MIDEAS: variants seen among roughly 807,000 people sequenced by gnomAD.
MIDEAS encodes mitotic deacetylase-associated SANT domain protein.
In MIDEAS, 26 loss-of-function variants were observed where a neutral mutation model predicts 102.7. That is an observed-to-expected ratio of 0.25 (90% CI 0.19 to 0.35). The LOEUF is 0.35. Among genes scored for constraint, MIDEAS ranks in the 10% least tolerant of loss-of-function variants. The pLI, the probability that MIDEAS is intolerant of heterozygous loss-of-function variation, is 1.00. For missense variants in MIDEAS, 1,231 were observed against 1,435.6 expected (o/e 0.86, Z 2.30); for synonymous variants, 585 against 591.0 (o/e 0.99, Z 0.15).
Position 73,739,311 on chromosome 14 carries a change from C to CCCTGCCGGAAGA in MIDEAS, c.686_697dup (p.Val229_Gln232dup), listed in dbSNP as rs1302719644. On this transcript the variant is annotated inframe_insertion, in exon 2 of 13. Coordinates refer to ENST00000423556, the MANE Select transcript of MIDEAS (RefSeq NM_001367710.1). ...AGCCACCGGGTTTGGGGGCGGTGGG[C>CCCTGCCGGAAGA]CCTGCCGGAAGACCTGCCGGTTCAC... 12 of 1,610,230 alleles carry CCCTGCCGGAAGA rather than the reference C, an allele frequency of 7.5e-6. No homozygotes were observed. The highest frequency in any genetic ancestry group is 5.0e-5 in the Admixed American group (3 of 59,938).
chr14:73,728,688 G>A (rs542938746), intron 4 of MIDEAS: 2 of 152,396 alleles, frequency 1.3e-5, no homozygotes, highest in East Asian at 3.9e-4. Context: ...CTATAGAACA[G>A]ACCATGGTGT....
At chr14:73,781,722 G>A (rs952928438) in intron 1 of MIDEAS, among the ~76,000 whole-genome samples, 1 of 69,976 alleles carries the variant, frequency 1.4e-5, no homozygotes, top group Non-Finnish European at 2.5e-5. Flanking sequence ...CAACAAGAGC[G>A]AAACTCTGTC....
chr14:73,719,581 G>C, intron 11 of MIDEAS, 80 bp from the exon 12 acceptor site: 1 of 1,428,054 alleles, frequency 7.0e-7, no homozygotes, highest in Non-Finnish European at 9.6e-7. Context: ...GGAACCGGGG[G>C]CCTGAAAAGT....
chr14:73,722,981 C>G (rs534636316), intron 9 of MIDEAS, 134 bp from the exon 10 acceptor site: 2 of 998,076 alleles, frequency 2.0e-6, no homozygotes, highest in Non-Finnish European at 3.0e-6. Flanking sequence ...CCAGGCAATA[C>G]AAGCATTTTT....
rs1396449813 is a variant in MIDEAS, at chr14:73,718,811, G to A, written c.*32C>T. The A allele has an allele frequency of 5.1e-6, 7 of 1,379,424 alleles. No homozygotes were observed. The highest frequency in any genetic ancestry group is 4.7e-6 in the Non-Finnish European group (5 of 1,073,982). 85.4% of individuals were successfully genotyped at this position (1,379,424 alleles called of 1,614,324 possible). ...CTGGCGGCGGTGCGGGAAGGGCCGA[G>A]GCCCAGGACTGGGCCAGCCTGGCTC... On this transcript the variant is annotated 3_prime_UTR_variant, in exon 13 of 13. Coordinates refer to ENST00000423556, the MANE Select transcript of MIDEAS (RefSeq NM_001367710.1).
chr14:73,772,543 A>AT (rs1383147286), intron 1 of MIDEAS, among the ~76,000 whole-genome samples: 1 of 152,224 alleles, frequency 6.6e-6, no homozygotes, highest in East Asian at 1.9e-4. Flanking sequence ...ATCATGAATT[A>AT]TACAGCCACA....
In MIDEAS at chr14:73,739,966, G is replaced by A. The variant is rs755437495; in HGVS notation, c.43C>T (p.Arg15Cys). The change falls in exon 2 of 13, where the codon CGT becomes TGT. Residue 15 changes from arginine to cysteine, a missense_variant. This residue lies in a region of MIDEAS where 758 missense variants were observed against 856.0 expected (regional missense o/e 0.89). Transcript: ENST00000423556. ...AQPKAQNKRKRCLFGGQEPAP... is the reference protein window; with the variant it reads ...AQPKAQNKRKCCLFGGQEPAP... ...GGTTCCTGGCCCCCGAAGAGGCAACGCTTCCGCTTGTTCTGAGCCTTGGGC... is the reference window on the plus strand; with the variant it reads ...GGTTCCTGGCCCCCGAAGAGGCAACACTTCCGCTTGTTCTGAGCCTTGGGC... 15 of 1,513,008 alleles carry A rather than the reference G, an allele frequency of 9.9e-6. No individual in the cohort carries two copies. Among genetic ancestry groups the A allele is most frequent in the East Asian group, 2.3e-5 (1 of 43,720 alleles). 93.7% of individuals were successfully genotyped at this position (1,513,008 alleles called of 1,614,324 possible). A position where few individuals can be genotyped will look rare whatever the true frequency, so the allele number is the denominator to read the frequency against.
In MIDEAS at chr14:73,737,187, A is replaced by C. The variant is rs1566590799; in HGVS notation, c.1560T>G (p.Ser520Arg). 2 of 1,614,014 alleles carry C rather than the reference A, an allele frequency of 1.2e-6. No individual in the cohort carries two copies. Among genetic ancestry groups the C allele is most frequent in the African/African-American group, 1.3e-5 (1 of 74,906 alleles). The change falls in exon 3 of 13, where the codon AGT becomes AGG. Residue 520 changes from serine to arginine, a missense_variant. Physicochemically the swap from Ser to Arg is moderately radical, Grantham distance 110. Coordinates refer to ENST00000423556, the MANE Select transcript of MIDEAS (RefSeq NM_001367710.1). ...SLATKRAREDSGMVPLIIPVS... is the reference protein window; with the variant it reads ...SLATKRAREDRGMVPLIIPVS... ...CTGGGATGATGAGGGGTACCATCCC[A>C]CTGTCTTCTCGTGCTCGCTTGGTGG... is the stretch of plus-strand genomic sequence containing the variant.
intron 3 of MIDEAS, among the ~76,000 whole-genome samples, chr14:73,733,988 T>C (rs949748027): frequency 1.4e-5 from 2 of 147,900 alleles, no homozygotes; most frequent in African/African-American, 5.0e-5. Context: ...CCAGGATACA[T>C]GTTTTGTTTT....
chr14:73,723,056 GTAAA>G (rs2053017082), intron 9 of MIDEAS: 4 of 467,012 alleles, frequency 8.6e-6, no homozygotes, highest in African/African-American at 3.9e-5. Flanking sequence ...TTTAAAATAA[GTAAA>G]TAAATAAAAA....
chr14:73,765,846 A>C (rs1462190642), intron 1 of MIDEAS, among the ~76,000 whole-genome samples: 1 of 152,180 alleles, frequency 6.6e-6, no homozygotes, highest in African/African-American at 2.4e-5. Context: ...ACTGGAGTGT[A>C]TACTGTTGGA....
At chr14:73,766,997 A>G (rs1226605475) in intron 1 of MIDEAS, among the ~76,000 whole-genome samples, 1 of 151,734 alleles carries the variant, frequency 6.6e-6, no homozygotes, top group Non-Finnish European at 1.5e-5. Context: ...CTGGGATTAC[A>G]GGCCTCGCCA....
In MIDEAS at chr14:73,739,309, G is replaced by C. The variant is rs200341939; in HGVS notation, c.700C>G (p.Pro234Ala). ...QVNRQVFRQG[P>A]PPPNPVAAFP... The stretch of plus-strand genomic sequence containing the variant: ...GCAGCCACCGGGTTTGGGGGCGGTG[G>C]GCCCTGCCGGAAGACCTGCCGGTTC... The change falls in exon 2 of 13, where the codon CCA (proline) becomes GCA (alanine). Residue 234 changes from proline (P) to alanine (A), a missense_variant. By Grantham distance (27) the Pro-to-Ala change is conservative (BLOSUM62 -1). Coordinates refer to ENST00000423556, the MANE Select transcript of MIDEAS (RefSeq NM_001367710.1). The C allele has an allele frequency of 4.3e-5, 69 of 1,610,692 alleles. No homozygotes were observed. The East Asian group carries it at 1.4e-3, about 33-fold the overall frequency.
In MIDEAS at chr14:73,721,560, T is replaced by C. The variant is rs529548531; in HGVS notation, c.2725-51A>G. 5.8e-5 allele frequency: 90 copies of C among 1,551,312 alleles called. No individual in the cohort carries two copies. In the East Asian group the frequency reaches 2.0e-3, roughly 34 times the overall value. On this transcript the variant is annotated intron_variant, in intron 10 of 12. Transcript: ENST00000423556. ...TGAGCCTAGAGCTCTGTCTCACTGC[T>C]GTAGCACAGATTCTGACCCGGCCGG... is the stretch of plus-strand genomic sequence containing the variant.
At chr14:73,776,775 T>C (rs2053692516) in intron 1 of MIDEAS, among the ~76,000 whole-genome samples, 1 of 151,854 alleles carries the variant, frequency 6.6e-6, no homozygotes, top group African/African-American at 2.4e-5. Flanking sequence ...TCCAGAGCCT[T>C]GCTCTTCAGA....
At chr14:73,782,629 T>G (rs1385024269) in intron 1 of MIDEAS, among the ~76,000 whole-genome samples, 1 of 152,214 alleles carries the variant, frequency 6.6e-6, no homozygotes, top group African/African-American at 2.4e-5. Flanking sequence ...CGCACCTGGC[T>G]GTCTTCACAA....
At chr14:73,743,413 A>G (rs1192951072) in intron 1 of MIDEAS, among the ~76,000 whole-genome samples, 1 of 151,918 alleles carries the variant, frequency 6.6e-6, no homozygotes, top group African/African-American at 2.4e-5. Flanking sequence ...GGCCTGAAAC[A>G]CTTCCTCCTG....
Position 73,739,484 on chromosome 14 carries a change from C to T in MIDEAS, c.525G>A (p.Leu175=). ...GCATCATTGGTCGCACATAGCGGTC[C>T]AGCTGTGGGCCCCCCGCTTTCTCCC... ...LKREKAGGPQ[L]DRYVRPMMPQ... Residue 175 remains leucine, a synonymous_variant, in exon 2 of 13, where the codon CTG becomes CTA. Transcript: ENST00000423556. The T allele has an allele frequency of 6.2e-7, 1 of 1,611,074 alleles. No homozygotes were observed. The highest frequency in any genetic ancestry group is 8.5e-7 in the Non-Finnish European group (1 of 1,178,294).
chr14:73,770,313 T>C (rs1396717214), intron 1 of MIDEAS, among the ~76,000 whole-genome samples: 3 of 152,080 alleles, frequency 2.0e-5, no homozygotes, highest in African/African-American at 7.2e-5. Context: ...TTCTGTTAAG[T>C]TGATCAAGAT....
Sources: gnomAD v4.1 joint callset for allele counts (sites outside exome capture counted in the v4.1 genomes callset) on GRCh38, gnomAD v4.1.1 for gene constraint, gnomAD v4.1.1 regional missense constraint, MANE v1.5 for transcripts, NCBI Gene and HGNC (gene_info 2026-07-23, HGNC 2026-07-21) for gene names.